The following LRP1B variants were observed in gnomAD, a reference collection of about 807,000 sequenced individuals.
LRP1B encodes LDL receptor related protein 1B.
In LRP1B, 217 loss-of-function variants were observed where a neutral mutation model predicts 556.6. The observed-to-expected ratio is 0.39, with a 90% CI of 0.35 to 0.44. The LOEUF (loss-of-function observed/expected upper bound fraction) is 0.44, where lower values mean the gene tolerates loss of function less well. Among genes scored for constraint, LRP1B ranks in the 20% least tolerant of loss-of-function variants. LRP1B has a pLI of 1.00. For synonymous variants in LRP1B, 2,047 were observed against 1,865.8 expected, an observed-to-expected ratio of 1.10 and a Z score of -2.50; for missense variants, 5,053 against 5,620.8, an observed-to-expected ratio of 0.90 and a Z score of 3.23.
At chr2:141,504,860 T>C (rs1432121156) in intron 2 of LRP1B, among the ~76,000 whole-genome samples, 1 of 152,022 alleles carries the variant, frequency 6.6e-6, no homozygotes, top group Non-Finnish European at 1.5e-5. Context: ...TTCAAATGAG[T>C]GAAATAAAAT....
Position 140,801,330 on chromosome 2 carries a change from T to C in LRP1B, c.5359+12327A>G, listed in dbSNP as rs79053246. 4.8e-3 allele frequency among the ~76,000 whole-genome samples: 737 copies of C among 152,088 alleles called. 10 individuals are homozygous for C. Among genetic ancestry groups the C allele is most frequent in the African/African-American group, 0.017 (697 of 41,484 alleles). ...TGAAACGTGGATGGTGTTTCACCCA[T>C]TAGGGCAGCTAATGAACAGGGAACA... On this transcript the variant is annotated intron_variant, in intron 32 of 90. Coordinates refer to ENST00000389484, the MANE Select transcript of LRP1B (RefSeq NM_018557.3).
chr2:142,083,644 G>T (rs1389369713), intron 1 of LRP1B, among the ~76,000 whole-genome samples: 1 of 152,152 alleles, frequency 6.6e-6, no homozygotes, highest in Non-Finnish European at 1.5e-5. Context: ...TTAATTTCCT[G>T]ATAGAGCAAG....
chr2:141,365,655 C>CTTTTTTTTTTTTTTTTTG (rs781538829), intron 3 of LRP1B, among the ~76,000 whole-genome samples: 3 of 121,150 alleles, frequency 2.5e-5, no homozygotes, highest in African/African-American at 9.5e-5. Context: ...GTTTTTGTTG[C>CTTTTTTTTTTTTTTTTTG]TTTTTTTTTT....
At chr2:140,961,960 A>G (rs1408866527) in intron 18 of LRP1B, among the ~76,000 whole-genome samples, 1 of 152,204 alleles carries the variant, frequency 6.6e-6, no homozygotes, top group East Asian at 1.9e-4. Context: ...CAAAAGGTGT[A>G]GAATGATTAC....
intron 6 of LRP1B, among the ~76,000 whole-genome samples, chr2:141,191,953 T>C (rs1681532496): frequency 6.6e-6 from 1 of 151,954 alleles, no homozygotes; most frequent in African/African-American, 2.4e-5. Context: ...AAAGAGCTGT[T>C]TGACAGCATT....
chr2:140,473,478 T>C (rs1160305295), intron 60 of LRP1B, among the ~76,000 whole-genome samples: 2 of 151,990 alleles, frequency 1.3e-5, no homozygotes. Context: ...ACCAGTGTTA[T>C]GATTGACACT....
intron 6 of LRP1B, among the ~76,000 whole-genome samples, chr2:141,200,063 C>T (rs1229705405): frequency 1.3e-5 from 2 of 152,184 alleles, no homozygotes; most frequent in Non-Finnish European, 2.9e-5. Context: ...ACCCAGCAAT[C>T]CCATTACTGG....
At chr2:140,746,490 A>G (rs1688319854) in intron 35 of LRP1B, among the ~76,000 whole-genome samples, 1 of 152,162 alleles carries the variant, frequency 6.6e-6, no homozygotes, top group Non-Finnish European at 1.5e-5. Context: ...CTAGACTGAA[A>G]TCATGAAAAC....
chr2:141,114,960 A>C (rs1039972459), intron 7 of LRP1B, among the ~76,000 whole-genome samples: 1 of 152,148 alleles, frequency 6.6e-6, no homozygotes, highest in Non-Finnish European at 1.5e-5. Flanking sequence ...GAGGGTAGTT[A>C]TCTCTCTAAC....
At chr2:141,261,817 G>T (rs1440293139) in intron 3 of LRP1B, among the ~76,000 whole-genome samples, 1 of 152,040 alleles carries the variant, frequency 6.6e-6, no homozygotes, top group Non-Finnish European at 1.5e-5. Context: ...GTTGTTTCCA[G>T]TTTGGAGTTA....
chr2:141,644,522 C>T (rs946838262), intron 2 of LRP1B, among the ~76,000 whole-genome samples: 1 of 152,020 alleles, frequency 6.6e-6, no homozygotes, highest in Non-Finnish European at 1.5e-5. Context: ...TCAGCAATTA[C>T]TTTTTGTTTC....
intron 44 of LRP1B, among the ~76,000 whole-genome samples, 153 bp downstream of exon 44, chr2:140,541,626 C>G (rs1221010200): frequency 1.3e-5 from 2 of 151,722 alleles, no homozygotes; most frequent in Non-Finnish European, 2.9e-5. Context: ...TTCCTAAGAA[C>G]TAGAAAAAAA....
At position 140,766,948 on chromosome 2, in the gene LRP1B, C is replaced by T. The variant is rs1447074380; in HGVS notation, c.5758+2265G>A. Among the ~76,000 whole-genome samples the T allele has an allele frequency of 2.0e-5, 3 of 150,190 alleles. No homozygotes were observed. In the Admixed American group the frequency reaches 2.0e-4, roughly 10 times the overall value. On this transcript the variant is annotated intron_variant, in intron 35 of 90. Coordinates refer to ENST00000389484, the MANE Select transcript of LRP1B (RefSeq NM_018557.3). ...TTTGTTACCATTCTCTGAGCACCAA[C>T]ATATATCAGGCACTTTATTAAACAT...
intron 2 of LRP1B, among the ~76,000 whole-genome samples, chr2:141,672,322 G>A (rs1368285616): frequency 6.6e-6 from 1 of 152,082 alleles, no homozygotes; most frequent in South Asian, 2.1e-4. Context: ...TTTTGATTTA[G>A]TGGGAGAGCT....
At chr2:141,357,170 C>G (rs1165507403) in intron 3 of LRP1B, among the ~76,000 whole-genome samples, 1 of 152,002 alleles carries the variant, frequency 6.6e-6, no homozygotes, top group Non-Finnish European at 1.5e-5. Flanking sequence ...ATTCTCTTGC[C>G]TCAGCCTCCC....
Position 140,475,265 on chromosome 2 carries a change from A to C in LRP1B, c.9498T>G (p.Ser3166Arg). 1 of 1,612,212 alleles carries C rather than the reference A, an allele frequency of 6.2e-7. No individual in the cohort carries two copies. Among genetic ancestry groups the C allele is most frequent in the Non-Finnish European group, 8.5e-7 (1 of 1,178,868 alleles). The change falls in exon 60 of 91, where the codon AGT (serine) becomes AGG (arginine). Residue 3166 changes from serine (S) to arginine (R), a missense_variant. Coordinates refer to ENST00000389484, the MANE Select transcript of LRP1B (RefSeq NM_018557.3). ...TAGAAATCTTGGTTTCTATGACAACACTCTGATTGGTTCCATCCATTCCAA... is the reference window on the plus strand; with the variant it reads ...TAGAAATCTTGGTTTCTATGACAACCCTCTGATTGGTTCCATCCATTCCAA... ...GRVGMDGTNQ[S>R]VVIETKISRP... is the part of the protein sequence containing the mutation.
intron 7 of LRP1B, among the ~76,000 whole-genome samples, chr2:141,150,074 G>A (rs912800858): frequency 6.6e-6 from 1 of 152,166 alleles, no homozygotes; most frequent in Non-Finnish European, 1.5e-5. Context: ...GGAGGGAGGA[G>A]CAGTGGTGGT....
intron 3 of LRP1B, among the ~76,000 whole-genome samples, chr2:141,381,570 T>G (rs530853278): frequency 6.7e-6 from 1 of 150,322 alleles, no homozygotes; most frequent in South Asian, 2.1e-4. Flanking sequence ...ATAATACAAA[T>G]ACAAAAGAAC....
At chr2:140,583,634 T>A (rs956104739) in intron 43 of LRP1B, among the ~76,000 whole-genome samples, 5 of 152,144 alleles carry the variant, frequency 3.3e-5, no homozygotes, top group African/African-American at 1.2e-4. Context: ...TTTTAAATGT[T>A]AGCTTCTTTT....
Sources: gnomAD v4.1 joint callset for allele counts (sites outside exome capture counted in the v4.1 genomes callset) on GRCh38, gnomAD v4.1.1 for gene constraint, MANE v1.5 for transcripts, NCBI Gene and HGNC (gene_info 2026-07-23, HGNC 2026-07-21) for gene names.